The following RAB11FIP3 variants were observed in gnomAD, a reference collection of about 807,000 sequenced individuals.
RAB11FIP3 encodes rab11 family-interacting protein 3.
In RAB11FIP3, 17 loss-of-function variants were observed where a neutral mutation model predicts 77.8. The observed-to-expected ratio is 0.22, with a 90% confidence interval of 0.15 to 0.33. The LOEUF is 0.33. Ranked by LOEUF, RAB11FIP3 falls within the 10% of genes least tolerant of loss-of-function variation. The pLI, the probability that RAB11FIP3 is intolerant of heterozygous loss-of-function variation, is 1.00. For synonymous variants in RAB11FIP3, 437 were observed against 448.2 expected (o/e 0.98, Z 0.31); for missense variants, 1,005 against 1,011.2 (o/e 0.99, Z 0.08).
chr16:458,493 ACC>A (rs1567368178), intron 1 of RAB11FIP3, among the ~76,000 whole-genome samples: 37 of 128,176 alleles, frequency 2.9e-4, no homozygotes, highest in African/African-American at 5.0e-4. Context: ...CCTCGGGTTC[ACC>A]GATGCCCACA....
At chr16:447,553 C>T (rs777693305) in intron 1 of RAB11FIP3, among the ~76,000 whole-genome samples, 7 of 152,060 alleles carry the variant, frequency 4.6e-5, no homozygotes, top group African/African-American at 1.4e-4. Flanking sequence ...CTGGCTAACA[C>T]GGTGAAACCT....
chr16:432,009 G>A (rs1404574986), intron 1 of RAB11FIP3, among the ~76,000 whole-genome samples: 5 of 151,748 alleles, frequency 3.3e-5, no homozygotes, highest in African/African-American at 2.4e-5. Context: ...CGCCCACCTC[G>A]GCCTCCCAAA....
At chr16:492,461 GGGAGACCCGAGGCCGCCCAGGGCCC>G (rs2030578753) in intron 5 of RAB11FIP3, among the ~76,000 whole-genome samples, 1 of 36,314 alleles carries the variant, frequency 2.8e-5, no homozygotes, top group South Asian at 4.7e-4. Flanking sequence ...GCCCTTCCCG[GGGAGACCCGAGGCCGCCCAGGGCCC>G]TCCCGGGAGA....
chr16:517,670 A>T (rs970619275), intron 9 of RAB11FIP3, among the ~76,000 whole-genome samples: 2 of 152,234 alleles, frequency 1.3e-5, no homozygotes, highest in African/African-American at 4.8e-5. Flanking sequence ...GAGTGTCCCA[A>T]TGTGGCTCTG....
intron 1 of RAB11FIP3, among the ~76,000 whole-genome samples, chr16:440,083 G>A (rs963176868): frequency 4.8e-4 from 73 of 151,058 alleles, no homozygotes; most frequent in African/African-American, 1.7e-3. Context: ...CTCATGATCC[G>A]CCCCCCCCAT....
At chr16:446,690 C>A (rs540067467) in intron 1 of RAB11FIP3, among the ~76,000 whole-genome samples, 1 of 152,032 alleles carries the variant, frequency 6.6e-6, no homozygotes, top group Admixed American at 6.6e-5. Context: ...ATTCATATAT[C>A]TCAAACTTTT....
chr16:448,330 G>A (rs886753746), intron 1 of RAB11FIP3, among the ~76,000 whole-genome samples: 9 of 151,452 alleles, frequency 5.9e-5, no homozygotes, highest in African/African-American at 1.5e-4. Context: ...ATAGCCGGGC[G>A]CAGTGGCTCA....
chr16:493,051 G>T (rs1814213388), intron 5 of RAB11FIP3, among the ~76,000 whole-genome samples: 1 of 152,118 alleles, frequency 6.6e-6, no homozygotes, highest in South Asian at 2.1e-4. Flanking sequence ...AGGAGTTTGA[G>T]ACCAGCCTGG....
chr16:449,266 G>A (rs1255522090), intron 1 of RAB11FIP3, among the ~76,000 whole-genome samples: 3 of 152,156 alleles, frequency 2.0e-5, no homozygotes, highest in East Asian at 1.9e-4. Context: ...GTCTCACAGC[G>A]CTGTCACCAG....
chr16:505,573 C>T lies in RAB11FIP3; in HGVS notation c.1445C>T (p.Ala482Val). 1 of 1,606,840 alleles carries T rather than the reference C, an allele frequency of 6.2e-7. No individual in the cohort carries two copies. The highest frequency in any genetic ancestry group is 8.5e-7 in the Non-Finnish European group (1 of 1,179,664). ...RVLELEKDTA[A>V]TGEQHSRLRQ... ...CTGGAGCTGGAAAAGGACACGGCAG[C>T]CACCGGTGAGCAACACAGCCGCCTG... The change falls in exon 8 of 14, where the codon GCC (alanine) becomes GTC (valine). Residue 482 changes from alanine to valine, a missense_variant. This residue lies in a region of RAB11FIP3 where 433 missense variants were observed against 436.1 expected (regional missense o/e 0.99). Transcript: ENST00000262305. This position sits in a 1 kb window ranked among gnomAD's most constrained non-coding sequence, Gnocchi z 4.0.
At chr16:488,259 A>C (rs1200751113) in intron 4 of RAB11FIP3, among the ~76,000 whole-genome samples, 2 of 152,052 alleles carry the variant, frequency 1.3e-5, no homozygotes, top group East Asian at 3.9e-4. Context: ...GGGCGCCTGT[A>C]GTCCCAGCTA....
intron 5 of RAB11FIP3, among the ~76,000 whole-genome samples, chr16:494,950 G>T (rs4984883): frequency 0.2 from 1,917 of 9,804 alleles, 4 homozygotes; most frequent in Non-Finnish European, 0.32. Context: ...CACATGAGCC[G>T]GGGAGGTCGA....
chr16:446,700 T>C (rs1025928104), intron 1 of RAB11FIP3, among the ~76,000 whole-genome samples: 6 of 152,108 alleles, frequency 3.9e-5, no homozygotes, highest in Non-Finnish European at 7.4e-5. Context: ...CTCAAACTTT[T>C]TTGTTTTTTT....
intron 6 of RAB11FIP3, 56 bp downstream of exon 6, chr16:496,915 A>G: frequency 4.1e-6 from 6 of 1,460,218 alleles, no homozygotes; most frequent in Non-Finnish European, 5.7e-6. Flanking sequence ...AATTAATCAT[A>G]GTTTTTTAAA....
rs564867501 is a variant in RAB11FIP3, at chr16:437,685, A to G, written c.714+10965A>G. Among the ~76,000 whole-genome samples, 7 of 152,148 alleles carry G rather than the reference A, an allele frequency of 4.6e-5. No individual in the cohort carries two copies. In the East Asian group the frequency reaches 1.2e-3, roughly 25 times the overall value. The stretch of plus-strand genomic sequence containing the variant: ...TACACTGAACTGATAACTATATGTT[A>G]TAGACATCAGAACATCACTGTGCAG... On this transcript the variant is annotated intron_variant, in intron 1 of 13. Coordinates refer to ENST00000262305, the MANE Select transcript of RAB11FIP3 (RefSeq NM_014700.4).
At chr16:458,534 C>T (rs199552854) in intron 1 of RAB11FIP3, among the ~76,000 whole-genome samples, 42 of 35,408 alleles carry the variant, frequency 1.2e-3, no homozygotes, top group East Asian at 3.1e-3. Context: ...TCGGGTTCAC[C>T]GATGCCCACA....
At chr16:463,485 C>G (rs1216821770) in intron 2 of RAB11FIP3, among the ~76,000 whole-genome samples, 2 of 131,238 alleles carry the variant, frequency 1.5e-5, no homozygotes, top group African/African-American at 5.8e-5. Context: ...GTTGCCCAAG[C>G]TGAAGTGCAA....
intron 5 of RAB11FIP3, among the ~76,000 whole-genome samples, chr16:496,430 T>G (rs535831017): frequency 9.5e-4 from 144 of 152,376 alleles, no homozygotes; most frequent in African/African-American, 2.8e-3. Flanking sequence ...CAAACTCTCC[T>G]GTCACAGCGG....
intron 6 of RAB11FIP3, among the ~76,000 whole-genome samples, chr16:501,138 C>T (rs994314772): frequency 1.3e-5 from 2 of 152,200 alleles, no homozygotes. Flanking sequence ...AAGCCCAGTC[C>T]GTACTGAGAA....
Sources: gnomAD v4.1 joint callset for allele counts (sites outside exome capture counted in the v4.1 genomes callset) on GRCh38, gnomAD v4.1.1 for gene constraint, gnomAD v4.1.1 regional missense constraint, Gnocchi (gnomAD v3.1) non-coding constraint, MANE v1.5 for transcripts, NCBI Gene and HGNC (gene_info 2026-07-23, HGNC 2026-07-21) for gene names.